The following TBCCD1 variants were observed in gnomAD, a reference collection of about 807,000 sequenced individuals.
TBCCD1 encodes the protein TBCC domain-containing protein 1.
In TBCCD1, 26 loss-of-function variants were observed where a neutral mutation model predicts 53.4. That is an observed-to-expected ratio of 0.49 (90% CI 0.36 to 0.68). The LOEUF (loss-of-function observed/expected upper bound fraction) is 0.68. Among genes scored for constraint, TBCCD1 ranks in the 30% least tolerant of loss-of-function variants. The pLI, the probability that TBCCD1 is intolerant of heterozygous loss-of-function variation, is 0.00. For synonymous variants in TBCCD1, 245 were observed against 241.7 expected (o/e 1.01, Z -0.13); for missense variants, 558 against 669.5 (o/e 0.83, Z 1.84).
chr3:186,556,019 G>A (rs889532325), intron 4 of TBCCD1, among the ~76,000 whole-genome samples: 4 of 151,912 alleles, frequency 2.6e-5, no homozygotes, highest in East Asian at 3.9e-4. Context: ...GCAAGCCACC[G>A]GGACACCCTT....
intron 6 of TBCCD1, among the ~76,000 whole-genome samples, chr3:186,552,496 A>T (rs1714410478): frequency 6.6e-6 from 1 of 152,188 alleles, no homozygotes; most frequent in African/African-American, 2.4e-5. Flanking sequence ...CTCCAAAAAA[A>T]TGTTGTGACC....
chr3:186,560,285 T>C (rs59671110), intron 2 of TBCCD1, among the ~76,000 whole-genome samples: 3,591 of 152,302 alleles, frequency 0.024, 137 homozygotes, highest in African/African-American at 0.081. Context: ...GAGTACATAG[T>C]AGATAATAAA....
chr3:186,552,266 T>C (rs1035003578), intron 6 of TBCCD1, among the ~76,000 whole-genome samples: 2 of 152,154 alleles, frequency 1.3e-5, no homozygotes, highest in Admixed American at 6.5e-5. Context: ...ATGTTCATGA[T>C]AAGAAAGAGA....
intron 7 of TBCCD1, among the ~76,000 whole-genome samples, chr3:186,548,532 TG>T (rs745834918): frequency 6.6e-6 from 1 of 152,244 alleles, no homozygotes; most frequent in Non-Finnish European, 1.5e-5. Flanking sequence ...TAATGTTATG[TG>T]GTAATATTTT....
chr3:186,554,562 C>T lies in TBCCD1; in HGVS notation c.1236G>A (p.Gln412=). Residue 412 remains glutamine (Q), a synonymous_variant, in exon 6 of 8, where the codon CAG becomes CAA. Coordinates refer to ENST00000338733, the MANE Select transcript of TBCCD1 (RefSeq NM_018138.5). The part of the protein sequence containing the change: ...PTRPLILSGN[Q]TVTFAPFHTH... ...TATGAAAAGGGGCAAAAGTTACTGT[C>T]TGGTTCCCAGAGAGAATAAGTGGGC... 6.2e-7 allele frequency: 1 copy of T among 1,614,226 alleles called. No individual in the cohort carries two copies. Among genetic ancestry groups the T allele is most frequent in the South Asian group, 1.1e-5 (1 of 91,086 alleles).
upstream of TBCCD1, among the ~76,000 whole-genome samples, chr3:186,568,759 C>T (rs144188382): frequency 5.9e-5 from 9 of 152,040 alleles, no homozygotes; most frequent in South Asian, 2.1e-4. Flanking sequence ...AAAAATTAGA[C>T]GGACATGGTG....
chr3:186,551,024 G>A (rs948575994), intron 7 of TBCCD1, 105 bp downstream of exon 7: 48 of 1,202,256 alleles, frequency 4.0e-5, no homozygotes, highest in East Asian at 7.4e-5. Flanking sequence ...TGGTAGGAGC[G>A]GTAGAAAAAA....
At chr3:186,566,958 C>T (rs1465581062) in intron 1 of TBCCD1, among the ~76,000 whole-genome samples, 2 of 152,238 alleles carry the variant, frequency 1.3e-5, no homozygotes, top group African/African-American at 2.4e-5. Flanking sequence ...GGGCTCAATC[C>T]GTAAACAAAC....
chr3:186,564,603 T>C (rs1355661362), intron 1 of TBCCD1, among the ~76,000 whole-genome samples: 1 of 152,214 alleles, frequency 6.6e-6, no homozygotes, highest in Non-Finnish European at 1.5e-5. Flanking sequence ...TTGTTAGAAA[T>C]CCTTGTTTTA....
At chr3:186,562,669 T>C (rs1714720782) in intron 2 of TBCCD1, among the ~76,000 whole-genome samples, 1 of 150,662 alleles carries the variant, frequency 6.6e-6, no homozygotes, top group Admixed American at 6.6e-5. Context: ...TCTAAGACAG[T>C]AGATCTTATG....
chr3:186,553,986 T>C (rs1714449846), intron 6 of TBCCD1, among the ~76,000 whole-genome samples: 1 of 152,164 alleles, frequency 6.6e-6, no homozygotes. Context: ...TAGATGGAAT[T>C]ACAGGCACAC....
intron 6 of TBCCD1, among the ~76,000 whole-genome samples, chr3:186,552,111 GGA>G (rs1350729962): frequency 6.6e-6 from 1 of 152,176 alleles, no homozygotes; most frequent in African/African-American, 2.4e-5. Context: ...GAGAAAGAAT[GGA>G]GAGAGATGGC....
chr3:186,551,425 A>T, intron 6 of TBCCD1, 146 bp from the exon 7 acceptor site: 8 of 784,658 alleles, frequency 1.0e-5, no homozygotes, highest in South Asian at 1.9e-5. Context: ...TTCAGAGTAC[A>T]CTGGACACCC....
chr3:186,560,512 T>C (rs1936425693), intron 2 of TBCCD1, among the ~76,000 whole-genome samples: 1 of 152,246 alleles, frequency 6.6e-6, no homozygotes, highest in Admixed American at 6.5e-5. Flanking sequence ...TGAATGTGAA[T>C]GAATTTATCT....
At chr3:186,561,692 G>A (rs1246622203) in intron 2 of TBCCD1, among the ~76,000 whole-genome samples, 3 of 152,222 alleles carry the variant, frequency 2.0e-5, no homozygotes, top group Admixed American at 6.5e-5. Flanking sequence ...AGGAGGCTGA[G>A]GCAGGAGAAT....
At chr3:186,561,320 C>A (rs1714681787) in intron 2 of TBCCD1, among the ~76,000 whole-genome samples, 1 of 152,086 alleles carries the variant, frequency 6.6e-6, no homozygotes, top group Non-Finnish European at 1.5e-5. Context: ...ATACAAATGG[C>A]CAACAGGTAT....
intron 3 of TBCCD1, 44 bp from the exon 4 acceptor site, chr3:186,556,819 A>G (rs1218504171): frequency 5.1e-6 from 8 of 1,566,412 alleles, no homozygotes; most frequent in Non-Finnish European, 6.9e-6. Flanking sequence ...AAGAGATTCC[A>G]CAAGATCTAA....
Position 186,554,914 on chromosome 3 carries a change from G to T in TBCCD1, c.1030C>A (p.Leu344Met). The change falls in exon 5 of 8, where the codon CTG becomes ATG. Residue 344 changes from leucine (L) to methionine (M), a missense_variant. By Grantham distance (15) the Leu-to-Met change is conservative (BLOSUM62 2). Coordinates refer to ENST00000338733, the MANE Select transcript of TBCCD1 (RefSeq NM_018138.5). ...TGTGCTTACCGTAAGGGAGAGAGCA[G>T]ATATATAAAAGATTCGTTGCAACGA... ...IHRCNESFIY[L>M]LSPLRSVTIE... 1 of 1,613,782 alleles carries T rather than the reference G, an allele frequency of 6.2e-7. No individual in the cohort carries two copies. The highest frequency in any genetic ancestry group is 8.5e-7 in the Non-Finnish European group (1 of 1,180,002).
rs186514790 is a variant in TBCCD1, at chr3:186,567,078, G to A, written c.-44+189C>T. 7.9e-5 allele frequency among the ~76,000 whole-genome samples: 12 copies of A among 152,348 alleles called. No individual in the cohort carries two copies. In the East Asian group the frequency reaches 2.3e-3, roughly 29 times the overall value. ...CTGGGGCTTCGCCGCCACCTTGGACGCGATCCGGGGTGGGACTCTGCGTGG... is the reference window on the plus strand; with the variant it reads ...CTGGGGCTTCGCCGCCACCTTGGACACGATCCGGGGTGGGACTCTGCGTGG... On this transcript the variant is annotated intron_variant, in intron 1 of 7. Coordinates refer to ENST00000338733, the MANE Select transcript of TBCCD1 (RefSeq NM_018138.5).
Sources: allele counts gnomAD v4.1 joint callset (sites outside exome capture counted in the v4.1 genomes callset), GRCh38; gene constraint gnomAD v4.1.1; transcripts MANE v1.5; gene names NCBI Gene and HGNC (gene_info 2026-07-23, HGNC 2026-07-21).